Variants in EPS15L1 observed in about 807,000 individuals in gnomAD.
EPS15L1 encodes epidermal growth factor receptor substrate 15-like 1.
EPS15L1 carries 43 observed loss-of-function variants against 117.1 expected under a neutral mutation model. The observed-to-expected ratio is 0.37, with a 90% confidence interval of 0.29 to 0.47. The LOEUF is 0.47. Ranked by LOEUF, EPS15L1 falls within the 20% of genes least tolerant of loss-of-function variation. EPS15L1 has a pLI of 0.99. For synonymous variants in EPS15L1, 459 were observed against 470.5 expected, an observed-to-expected ratio of 0.98 and a Z score of 0.32; for missense variants, 981 against 1,164.0, an observed-to-expected ratio of 0.84 and a Z score of 2.29.
chr19:16,390,880 T>C (rs762915702), intron 19 of EPS15L1, among the ~76,000 whole-genome samples: 6 of 152,224 alleles, frequency 3.9e-5, no homozygotes, highest in Non-Finnish European at 7.3e-5. Context: ...TTTAAATTTA[T>C]ACAGATGCTC....
chr19:16,456,501 A>G (rs2093197690), intron 1 of EPS15L1, among the ~76,000 whole-genome samples: 2 of 151,824 alleles, frequency 1.3e-5, no homozygotes, highest in Admixed American at 6.6e-5. Flanking sequence ...TACTAAACAT[A>G]TAAAAATTAG....
chr19:16,450,290 C>T (rs1452568051), intron 1 of EPS15L1, among the ~76,000 whole-genome samples: 2 of 151,812 alleles, frequency 1.3e-5, no homozygotes, highest in Admixed American at 6.6e-5. Flanking sequence ...CTCTGATGCC[C>T]TCCCCAGTCC....
intron 1 of EPS15L1, among the ~76,000 whole-genome samples, chr19:16,457,844 G>A (rs2093211810): frequency 6.6e-6 from 1 of 151,914 alleles, no homozygotes; most frequent in Non-Finnish European, 1.5e-5. Context: ...GAGAGACATG[G>A]GAGAGCAGTC....
At chr19:16,418,641 C>T (rs181455784) in intron 10 of EPS15L1, among the ~76,000 whole-genome samples, 3 of 152,168 alleles carry the variant, frequency 2.0e-5, no homozygotes, top group African/African-American at 4.8e-5. Context: ...ACGTTTATGT[C>T]CCCCCAGATT....
At chr19:16,368,959 A>G (rs1050569434) in intron 22 of EPS15L1, among the ~76,000 whole-genome samples, 12 of 152,240 alleles carry the variant, frequency 7.9e-5, no homozygotes, top group African/African-American at 2.4e-4. Flanking sequence ...GGCCACTGAC[A>G]TGTCTTATTC....
chr19:16,458,641 C>T (rs1316602731), intron 1 of EPS15L1, among the ~76,000 whole-genome samples: 3 of 152,066 alleles, frequency 2.0e-5, no homozygotes, highest in Non-Finnish European at 4.4e-5. Flanking sequence ...TGCTCCCTGG[C>T]CATCTCCTAC....
At chr19:16,417,780 G>C in intron 11 of EPS15L1, 143 bp from the exon 12 acceptor site, 4 of 1,183,454 alleles carry the variant, frequency 3.4e-6, no homozygotes, top group Non-Finnish European at 4.8e-6. Context: ...CCCCTGCCTG[G>C]GGAAATACCT....
chr19:16,374,390 G>A (rs895954111), intron 22 of EPS15L1, among the ~76,000 whole-genome samples: 1 of 152,196 alleles, frequency 6.6e-6, no homozygotes, highest in Non-Finnish European at 1.5e-5. Context: ...GAGTAAAGGA[G>A]CCCAGGACCC....
At chr19:16,412,640 T>C in intron 13 of EPS15L1, 1 of 149,882 alleles carries the variant, frequency 6.7e-6, no homozygotes, top group Non-Finnish European at 1.4e-5. Context: ...AAAATATATA[T>C]ATATATATTT....
At chr19:16,377,096 G>C (rs1797844761) in intron 22 of EPS15L1, 26 bp downstream of exon 22, 2 of 1,576,254 alleles carry the variant, frequency 1.3e-6, no homozygotes, top group South Asian at 1.2e-5. Context: ...GTAGGCGGTG[G>C]CTGCGAGAGA....
At chr19:16,457,652 G>A (rs555142019) in intron 1 of EPS15L1, among the ~76,000 whole-genome samples, 1 of 152,154 alleles carries the variant, frequency 6.6e-6, no homozygotes, top group Admixed American at 6.5e-5. Flanking sequence ...GGCAGGAGGG[G>A]AACAGATTCC....
chr19:16,370,854 G>A lies in EPS15L1; in HGVS notation c.2380+6268C>T, dbSNP rs1334718182. Among the ~76,000 whole-genome samples the A allele has an allele frequency of 1.3e-5, 2 of 152,168 alleles. No individual in the cohort carries two copies. The highest frequency in any genetic ancestry group is 2.4e-5 in the African/African-American group (1 of 41,418). ...AAGCTTCCTTGAACACAGCAGTGCT[G>A]GGGGATGGGGGGCGTGGGCAGGAAA... On this transcript the variant is annotated intron_variant, in intron 22 of 23. Coordinates refer to ENST00000455140, the MANE Select transcript of EPS15L1 (RefSeq NM_001258374.3). This position sits in a 1 kb window ranked among gnomAD's most constrained non-coding sequence, Gnocchi z 5.2.
rs1042729571 is a variant in EPS15L1 at position 16,459,261 on chromosome 19, C to T, written c.33+12652G>A. 7.2e-5 allele frequency among the ~76,000 whole-genome samples: 11 copies of T among 152,134 alleles called. No individual in the cohort carries two copies. The South Asian group carries it at 1.4e-3, about 20-fold the overall frequency. On this transcript the variant is annotated intron_variant, in intron 1 of 23. Coordinates refer to ENST00000455140, the MANE Select transcript of EPS15L1 (RefSeq NM_001258374.3). ...CCCTGCTCTAAGATGACCCTAGGTTCCCCCAAATGAAATAAGTCCCTCCTG... is the reference window on the plus strand; with the variant it reads ...CCCTGCTCTAAGATGACCCTAGGTTTCCCCAAATGAAATAAGTCCCTCCTG...
At chr19:16,364,000 G>A (rs747041349) in intron 22 of EPS15L1, among the ~76,000 whole-genome samples, 5 of 152,100 alleles carry the variant, frequency 3.3e-5, no homozygotes, top group Non-Finnish European at 5.9e-5. Context: ...CACCGGGGTC[G>A]CCGTTGCATC....
At chr19:16,435,209 C>G (rs1444475792) in intron 6 of EPS15L1, 2 of 152,230 alleles carry the variant, frequency 1.3e-5, no homozygotes, top group African/African-American at 4.8e-5. Flanking sequence ...GCCTCGGCCT[C>G]CCAAAGTGCT....
Position 16,428,695 on chromosome 19 carries a change from G to T in EPS15L1, c.558+7C>A. 1.2e-6 allele frequency: 2 copies of T among 1,610,706 alleles called. No individual in the cohort carries two copies. Among genetic ancestry groups the T allele is most frequent in the Non-Finnish European group, 1.7e-6 (2 of 1,178,692 alleles). Reference sequence around the variant, plus strand: ...GGGCTGGGTGGGGAGGAAACAGCAGGACTTACCACAGCGAACTCATCTCGA... The same window carrying T: ...GGGCTGGGTGGGGAGGAAACAGCAGTACTTACCACAGCGAACTCATCTCGA... On this transcript the variant is annotated splice_region_variant and intron_variant, in intron 8 of 23. Transcript: ENST00000455140.
chr19:16,422,754 T>C (rs143106495), intron 9 of EPS15L1, among the ~76,000 whole-genome samples: 3,815 of 152,082 alleles, frequency 0.025, 124 homozygotes, highest in Admixed American at 0.088. Context: ...GCCAGGAGTT[T>C]GAGACCAGAT....
At chr19:16,413,657 T>C in intron 13 of EPS15L1, 116 bp downstream of exon 13, 2 of 829,846 alleles carry the variant, frequency 2.4e-6, no homozygotes, top group Non-Finnish European at 2.0e-6. Context: ...CCCCAAGAGC[T>C]CATGTTTCCA....
At chr19:16,423,647 T>C (rs540549564) in intron 9 of EPS15L1, among the ~76,000 whole-genome samples, 37 of 152,334 alleles carry the variant, frequency 2.4e-4, no homozygotes, top group African/African-American at 7.5e-4. Context: ...ACCTGATTTT[T>C]ACTTGTGGCA....
Sources: allele counts gnomAD v4.1 joint callset (sites outside exome capture counted in the v4.1 genomes callset), GRCh38; gene constraint gnomAD v4.1.1; non-coding constraint Gnocchi (gnomAD v3.1); transcripts MANE v1.5; gene names NCBI Gene and HGNC (gene_info 2026-07-23, HGNC 2026-07-21).